The following RAP1A variants were observed in gnomAD, a reference collection of about 807,000 sequenced individuals.
The protein encoded by RAP1A is RAP1A, member of RAS oncogene family, also known as ras-related protein Rap-1A.
RAP1A carries 6 observed loss-of-function variants against 26.4 expected under a neutral mutation model. The observed-to-expected ratio is 0.23, with a 90% CI of 0.12 to 0.45. The LOEUF is 0.45. Ranked by LOEUF, RAP1A falls within the 20% of genes least tolerant of loss-of-function variation. RAP1A has a pLI of 0.99. For synonymous variants in RAP1A, 73 were observed against 79.4 expected, an observed-to-expected ratio of 0.92 and a Z score of 0.43; for missense variants, 121 against 217.2, an observed-to-expected ratio of 0.56 and a Z score of 2.78.
At chr1:111,668,013 C>T (rs1660852415) in intron 1 of RAP1A, among the ~76,000 whole-genome samples, 1 of 152,218 alleles carries the variant, frequency 6.6e-6, no homozygotes, top group South Asian at 2.1e-4. Flanking sequence ...CACCCCTACT[C>T]CTGCCAACTC....
chr1:111,567,660 G>T (rs1657951541), intron 1 of RAP1A, among the ~76,000 whole-genome samples: 1 of 152,138 alleles, frequency 6.6e-6, no homozygotes, highest in African/African-American at 2.4e-5. Flanking sequence ...TATAAGAAGA[G>T]GAAGAGACAC....
chr1:111,635,589 G>C (rs1445540422), intron 1 of RAP1A, among the ~76,000 whole-genome samples: 2 of 151,586 alleles, frequency 1.3e-5, no homozygotes, highest in African/African-American at 4.9e-5. Context: ...TTCTGAAACA[G>C]TGTCTCACTC....
intron 4 of RAP1A, among the ~76,000 whole-genome samples, 166 bp downstream of exon 4, chr1:111,697,663 A>C (rs777757439): frequency 6.6e-6 from 1 of 152,172 alleles, no homozygotes; most frequent in African/African-American, 2.4e-5. Context: ...ACTCTGATGT[A>C]GTTCATGCTC....
rs1171500319 is a variant in RAP1A at position 111,716,213 on chromosome 1, C to A, written c.*3812C>A. ...AGTGGTTTGGATTCTTGTCCAGGGT[C>A]TGGAAAGAGCTCATCTTGCCGAGAG... On this transcript the variant is annotated 3_prime_UTR_variant, in exon 8 of 8. Coordinates refer to ENST00000369709, the MANE Select transcript of RAP1A (RefSeq NM_002884.4). 1 of 152,192 alleles carries A rather than the reference C, an allele frequency of 6.6e-6. No individual in the cohort carries two copies. Among genetic ancestry groups the A allele is most frequent in the Non-Finnish European group, 1.5e-5 (1 of 68,026 alleles). 9.4% of individuals were successfully genotyped at this position (152,192 alleles called of 1,614,324 possible).
intron 1 of RAP1A, among the ~76,000 whole-genome samples, chr1:111,654,973 C>T (rs1445677263): frequency 6.6e-6 from 1 of 151,638 alleles, no homozygotes; most frequent in Non-Finnish European, 1.5e-5. Context: ...GAGTTGGAGG[C>T]TGCACTAAGC....
intron 1 of RAP1A, among the ~76,000 whole-genome samples, chr1:111,628,030 TG>T (rs2101099136): frequency 1.3e-5 from 2 of 152,240 alleles, no homozygotes; most frequent in South Asian, 4.1e-4. Flanking sequence ...AGTACATGAT[TG>T]GAGGCAACCT....
chr1:111,623,531 T>A (rs1659287807), intron 1 of RAP1A, among the ~76,000 whole-genome samples: 3 of 152,064 alleles, frequency 2.0e-5, no homozygotes. Context: ...CTTAGCCTCC[T>A]GAGTAACTGG....
chr1:111,569,657 G>A (rs1236600528), intron 1 of RAP1A, among the ~76,000 whole-genome samples: 1 of 151,944 alleles, frequency 6.6e-6, no homozygotes, highest in Non-Finnish European at 1.5e-5. Flanking sequence ...TCACTTTTAA[G>A]AGCCTCCAAA....
intron 1 of RAP1A, among the ~76,000 whole-genome samples, chr1:111,606,627 C>T (rs1192221695): frequency 6.6e-6 from 1 of 152,194 alleles, no homozygotes; most frequent in Non-Finnish European, 1.5e-5. Context: ...GCCCTCCAAG[C>T]TCCCACCACC....
At chr1:111,684,687 C>T (rs7543132) in intron 1 of RAP1A, among the ~76,000 whole-genome samples, 6,730 of 152,014 alleles carry the variant, frequency 0.044, 300 homozygotes, top group African/African-American at 0.11. Context: ...GAATCAATAT[C>T]GTGAAAATGG....
intron 6 of RAP1A, among the ~76,000 whole-genome samples, chr1:111,706,126 A>G (rs1662184611): frequency 6.6e-6 from 1 of 152,222 alleles, no homozygotes. Flanking sequence ...CAAACATAGA[A>G]AAACCATAAA....
At chr1:111,646,436 A>AAC (rs1367844957) in intron 1 of RAP1A, among the ~76,000 whole-genome samples, 9 of 105,370 alleles carry the variant, frequency 8.5e-5, no homozygotes, top group Non-Finnish European at 1.9e-4. Context: ...AAAAAAAAAC[A>AAC]AAACAAAACC....
At chr1:111,634,667 A>T (rs950994588) in intron 1 of RAP1A, among the ~76,000 whole-genome samples, 2 of 151,494 alleles carry the variant, frequency 1.3e-5, no homozygotes, top group Non-Finnish European at 2.9e-5. Flanking sequence ...TTTTTTCGAG[A>T]TGGAGTCTCA....
At chr1:111,552,563 T>C (rs1172272111) in intron 1 of RAP1A, among the ~76,000 whole-genome samples, 1 of 152,220 alleles carries the variant, frequency 6.6e-6, no homozygotes, top group African/African-American at 2.4e-5. Context: ...ACCATTTTTT[T>C]ATCCACTATA....
At chr1:111,624,449 C>T (rs1033776970) in intron 1 of RAP1A, among the ~76,000 whole-genome samples, 4 of 152,212 alleles carry the variant, frequency 2.6e-5, no homozygotes, top group African/African-American at 9.7e-5. Flanking sequence ...TAGATTTGCA[C>T]TGCATAATTC....
At chr1:111,700,398 G>C (rs1409699434) in intron 4 of RAP1A, among the ~76,000 whole-genome samples, 1 of 152,130 alleles carries the variant, frequency 6.6e-6, no homozygotes, top group Non-Finnish European at 1.5e-5. Flanking sequence ...TGTTTTACAT[G>C]GCAAGAGCAA....
At chr1:111,590,031 A>G (rs1328316708) in intron 1 of RAP1A, among the ~76,000 whole-genome samples, 1 of 152,194 alleles carries the variant, frequency 6.6e-6, no homozygotes, top group Non-Finnish European at 1.5e-5. Flanking sequence ...CAGCCTCCCA[A>G]AGATTTGGGA....
chr1:111,688,822 G>GTTTTTT (rs767753356), intron 1 of RAP1A, among the ~76,000 whole-genome samples: 13 of 90,108 alleles, frequency 1.4e-4, no homozygotes, highest in South Asian at 6.8e-4. Context: ...TTTTTTTTTT[G>GTTTTTT]TTTTTTTTTT....
At chr1:111,610,789 T>A (rs1339284081) in intron 1 of RAP1A, among the ~76,000 whole-genome samples, 1 of 152,246 alleles carries the variant, frequency 6.6e-6, no homozygotes, top group Non-Finnish European at 1.5e-5. Flanking sequence ...TTCTACTGAA[T>A]ATAACAGATC....
Sources: gnomAD v4.1 joint callset for allele counts (sites outside exome capture counted in the v4.1 genomes callset) on GRCh38, gnomAD v4.1.1 for gene constraint, MANE v1.5 for transcripts, NCBI Gene and HGNC (gene_info 2026-07-23, HGNC 2026-07-21) for gene names.